SLIT2: variants seen among roughly 807,000 people sequenced by gnomAD.
SLIT2 encodes slit guidance ligand 2, also known as slit homolog 2 protein.
A neutral mutation model predicts 185.7 loss-of-function variants in SLIT2; 41 were observed. The observed-to-expected ratio is 0.22, with a 90% CI of 0.17 to 0.29. The LOEUF (loss-of-function observed/expected upper bound fraction) is 0.29, where lower values mean the gene tolerates loss of function less well. SLIT2 is among the 10% of genes least tolerant of loss of function. The probability of loss-of-function intolerance (pLI) is 1.00; values close to 1 mark genes in which losing one functional copy is unlikely to be tolerated. For missense variants in SLIT2, 1,571 were observed against 1,909.0 expected, an observed-to-expected ratio of 0.82 and a Z score of 3.30; for synonymous variants, 693 against 680.2, an observed-to-expected ratio of 1.02 and a Z score of -0.29.
chr4:20,478,241 G>T (rs572657605), intron 5 of SLIT2, among the ~76,000 whole-genome samples: 1 of 152,228 alleles, frequency 6.6e-6, no homozygotes, highest in East Asian at 1.9e-4. Flanking sequence ...GTAACCTCAT[G>T]AAATACCTTC....
At chr4:20,529,189 T>A in intron 16 of SLIT2, 90 bp downstream of exon 16, 3 of 958,066 alleles carry the variant, frequency 3.1e-6, no homozygotes, top group Non-Finnish European at 4.5e-6. Context: ...TTTTTATTAT[T>A]AATAATTGCA....
chr4:20,269,505 C>T (rs1713384609), intron 4 of SLIT2, among the ~76,000 whole-genome samples: 1 of 151,722 alleles, frequency 6.6e-6, no homozygotes, highest in African/African-American at 2.4e-5. Flanking sequence ...CTTTTTCCTC[C>T]CTGGAATGCT....
chr4:20,519,906 C>T (rs1045708517), intron 12 of SLIT2, among the ~76,000 whole-genome samples: 9 of 151,806 alleles, frequency 5.9e-5, no homozygotes, highest in African/African-American at 1.9e-4. Context: ...TGGTGGTGGG[C>T]CCCTGTAGTC....
At chr4:20,324,454 TCTTC>T (rs1719381045) in intron 4 of SLIT2, among the ~76,000 whole-genome samples, 1 of 152,158 alleles carries the variant, frequency 6.6e-6, no homozygotes, top group Non-Finnish European at 1.5e-5. Context: ...CTTTTAAAAT[TCTTC>T]CTTAAAGTAA....
intron 4 of SLIT2, among the ~76,000 whole-genome samples, chr4:20,430,626 A>G (rs975818052): frequency 2.0e-5 from 3 of 152,192 alleles, no homozygotes; most frequent in African/African-American, 7.2e-5. Flanking sequence ...TTACCTATTT[A>G]TTTATGTATC....
At chr4:20,442,958 G>C (rs1729885759) in intron 4 of SLIT2, among the ~76,000 whole-genome samples, 1 of 152,130 alleles carries the variant, frequency 6.6e-6, no homozygotes, top group Non-Finnish European at 1.5e-5. Flanking sequence ...AAATAGAAAA[G>C]GGCTTTTTTC....
At position 20,533,829 on chromosome 4, in the gene SLIT2, C is replaced by T. The variant is rs371087610; in HGVS notation, c.1832+114C>T. 2.3e-3 allele frequency: 1,791 copies of T among 793,068 alleles called. 24 individuals carry two copies. In the African/African-American group the frequency reaches 0.036, roughly 16 times the overall value. 49.1% of individuals were successfully genotyped at this position (793,068 alleles called of 1,614,324 possible). On this transcript the variant is annotated intron_variant, in intron 18 of 36. Transcript: ENST00000504154. ...TTTACCCACCCCACTCCCTCTATCTCTTTCACATTCTCTGTTACACACACA... is the reference window on the plus strand; with the variant it reads ...TTTACCCACCCCACTCCCTCTATCTTTTTCACATTCTCTGTTACACACACA...
intron 29 of SLIT2, among the ~76,000 whole-genome samples, chr4:20,569,521 CTT>C (rs1434128654): frequency 6.6e-6 from 1 of 151,992 alleles, no homozygotes; most frequent in African/African-American, 2.4e-5. Flanking sequence ...TTTTCTAACA[CTT>C]TTGTTTCTTT....
intron 34 of SLIT2, chr4:20,616,531 G>A (rs987848578): frequency 4.9e-5 from 8 of 163,458 alleles, no homozygotes; most frequent in Non-Finnish European, 9.2e-5. Flanking sequence ...TGTGCCTGGA[G>A]GTGGAGGGTG....
rs1377995737 is a variant in SLIT2, at chr4:20,570,903, A to G, written c.3088+1899A>G. 2.0e-5 allele frequency among the ~76,000 whole-genome samples: 3 copies of G among 151,542 alleles called. No homozygotes were observed. The East Asian group carries it at 5.8e-4, about 29-fold the overall frequency. On this transcript the variant is annotated intron_variant, in intron 29 of 36. Coordinates refer to ENST00000504154, the MANE Select transcript of SLIT2 (RefSeq NM_004787.4). ...CTCCTGCTTTGACTTTAGATTTGCT[A>G]TTCCTTATTCTTATCCATTTCTTTT...
chr4:20,281,671 T>G (rs1347134845), intron 4 of SLIT2, among the ~76,000 whole-genome samples: 11 of 152,188 alleles, frequency 7.2e-5, no homozygotes, highest in Admixed American at 7.2e-4. Context: ...GATTCTTCTT[T>G]TATTACACAG....
At chr4:20,296,702 G>A (rs922781718) in intron 4 of SLIT2, among the ~76,000 whole-genome samples, 2 of 152,128 alleles carry the variant, frequency 1.3e-5, no homozygotes, top group Admixed American at 6.5e-5. Flanking sequence ...TTACACTGCC[G>A]CACCACCCTG....
intron 29 of SLIT2, among the ~76,000 whole-genome samples, chr4:20,578,332 G>T (rs1487875003): frequency 6.6e-6 from 1 of 151,982 alleles, no homozygotes; most frequent in Non-Finnish European, 1.5e-5. Flanking sequence ...CTATTAGGTT[G>T]CTTATTTTGA....
rs375099406 is a variant in SLIT2, at chr4:20,548,515, G to T, written c.2373G>T (p.Thr791=). 27 of 1,605,358 alleles carry T rather than the reference G, an allele frequency of 1.7e-5. No homozygotes were observed. The African/African-American group carries it at 3.2e-4, about 19-fold the overall frequency. The change falls in exon 23 of 37, where the codon ACG becomes ACT. Residue 791 remains threonine (T), a synonymous_variant. Coordinates refer to ENST00000504154, the MANE Select transcript of SLIT2 (RefSeq NM_004787.4). The stretch of plus-strand genomic sequence containing the variant: ...ACTTAAGTAACAACAGAATAAGCAC[G>T]CTTTCTAATCAGAGCTTCAGCAACA... ...LIDLSNNRIS[T]LSNQSFSNMT...
intron 4 of SLIT2, among the ~76,000 whole-genome samples, chr4:20,362,432 A>T (rs1157014992): frequency 6.6e-6 from 1 of 152,104 alleles, no homozygotes; most frequent in African/African-American, 2.4e-5. Flanking sequence ...GGGAAAGCAA[A>T]GGGACAGCTT....
At chr4:20,408,135 C>T (rs577206601) in intron 4 of SLIT2, among the ~76,000 whole-genome samples, 121 of 152,150 alleles carry the variant, frequency 8.0e-4, no homozygotes, top group African/African-American at 2.4e-3. Context: ...TTAATATTAA[C>T]GGGTTTTACT....
chr4:20,472,511 GATAGATAT>G lies in SLIT2; in HGVS notation c.467+4692_467+4699del, dbSNP rs1715499931. 3.0e-4 allele frequency among the ~76,000 whole-genome samples: 2 copies of G among 6,712 alleles called. 1 individual carries two copies. Among genetic ancestry groups the G allele is most frequent in the African/African-American group, 1.7e-3 (2 of 1,190 alleles). The allele number at this position is 6,712 out of a possible 152,430, so 4.4% of individuals were successfully genotyped here. A position where few individuals can be genotyped will look rare whatever the true frequency, so the allele number is the denominator to read the frequency against. ...ATATATAGATATATATCTATATATA[GATAGATAT>G]ATATCTATATATAGATATATCTATA... is the stretch of plus-strand genomic sequence containing the variant. On this transcript the variant is annotated intron_variant, in intron 5 of 36. Coordinates refer to ENST00000504154, the MANE Select transcript of SLIT2 (RefSeq NM_004787.4).
intron 30 of SLIT2, among the ~76,000 whole-genome samples, chr4:20,593,350 T>C (rs1727664751): frequency 6.6e-6 from 1 of 152,154 alleles, no homozygotes; most frequent in Non-Finnish European, 1.5e-5. Flanking sequence ...TTATATATAC[T>C]TTATGCTAAG....
Position 20,612,918 on chromosome 4 carries a change from CA to C in SLIT2, c.3847+2769del, listed in dbSNP as rs33919601. 7.9e-4 allele frequency among the ~76,000 whole-genome samples: 95 copies of C among 120,508 alleles called. 1 individual carries two copies. The South Asian group carries it at 0.012, about 15-fold the overall frequency. 79.1% of individuals were successfully genotyped at this position (120,508 alleles called of 152,430 possible). A position where few individuals can be genotyped will look rare whatever the true frequency, so the allele number is the denominator to read the frequency against. ...GGGCGACAATGGGAGACTCCATCTCCAAAAAAAAAAAAAAAAAATTATGTCT... is the reference window on the plus strand; with the variant it reads ...GGGCGACAATGGGAGACTCCATCTCCAAAAAAAAAAAAAAAAATTATGTCT... On this transcript the variant is annotated intron_variant, in intron 34 of 36. Coordinates refer to ENST00000504154, the MANE Select transcript of SLIT2 (RefSeq NM_004787.4).
Sources: gnomAD v4.1 joint callset for allele counts (sites outside exome capture counted in the v4.1 genomes callset) on GRCh38, gnomAD v4.1.1 for gene constraint, MANE v1.5 for transcripts, NCBI Gene and HGNC (gene_info 2026-07-23, HGNC 2026-07-21) for gene names.